The following CD99L2 variants were observed in gnomAD, a reference collection of about 807,000 sequenced individuals.
The protein encoded by CD99L2 is CD99 antigen-like protein 2.
In CD99L2, 24 loss-of-function variants were observed where a neutral mutation model predicts 27.3. The ratio of observed to expected loss-of-function variants is 0.88; its 90% CI spans 0.64 to 1.24. CD99L2 has a LOEUF of 1.24. CD99L2 is among the 50% of genes most tolerant of loss of function. The pLI, the probability that CD99L2 is intolerant of heterozygous loss-of-function variation, is 0.00. For missense variants in CD99L2, 255 were observed against 221.6 expected (o/e 1.15, Z -0.96); for synonymous variants, 97 against 87.9 (o/e 1.10, Z -0.58).
intron 1 of CD99L2, among the ~76,000 whole-genome samples, chrX:150,847,601 AT>A (rs1433349874): frequency 2.7e-5 from 3 of 110,212 alleles, no homozygotes; most frequent in Middle Eastern, 4.6e-3. Flanking sequence ...TCCTTGCTGT[AT>A]CTGCTTGCTC....
At chrX:150,812,797 A>T (rs895229353) in intron 4 of CD99L2, among the ~76,000 whole-genome samples, 5 of 112,253 alleles carry the variant, frequency 4.5e-5, no homozygotes, top group African/African-American at 1.6e-4. Flanking sequence ...GGGTCAATAC[A>T]TCAAGTAAAC....
chrX:150,841,480 T>C (rs1450076472), intron 1 of CD99L2, among the ~76,000 whole-genome samples: 5 of 111,597 alleles, frequency 4.5e-5, no homozygotes, highest in African/African-American at 1.6e-4. Context: ...TACGTGTATT[T>C]CTCCTAAAAG....
At chrX:150,857,580 G>A (rs1386059572) in intron 1 of CD99L2, among the ~76,000 whole-genome samples, 1 of 111,797 alleles carries the variant, frequency 8.9e-6, no homozygotes, top group Non-Finnish European at 1.9e-5. Context: ...TCATCGACAC[G>A]AGACTGGTCT....
intron 10 of CD99L2, among the ~76,000 whole-genome samples, chrX:150,769,375 T>G (rs2043373118): frequency 2.7e-5 from 3 of 112,391 alleles, no homozygotes; most frequent in Non-Finnish European, 5.6e-5. Context: ...AAGGGTTATT[T>G]TAAACAAAGG....
intron 9 of CD99L2, among the ~76,000 whole-genome samples, chrX:150,773,737 C>T (rs1557419174): frequency 8.9e-6 from 1 of 112,339 alleles, no homozygotes; most frequent in Non-Finnish European, 1.9e-5. Context: ...TGGCCACAAG[C>T]CAAGGAACAT....
At chrX:150,773,907 AGC>A (rs782106614) in intron 9 of CD99L2, among the ~76,000 whole-genome samples, 2 of 112,132 alleles carry the variant, frequency 1.8e-5, no homozygotes, top group Non-Finnish European at 3.8e-5. Context: ...TCGTTCAAAG[AGC>A]TCACAACTAC....
chrX:150,834,385 G>A (rs983039910), intron 1 of CD99L2, among the ~76,000 whole-genome samples: 4 of 111,740 alleles, frequency 3.6e-5, no homozygotes, highest in Admixed American at 1.9e-4. Context: ...CCAGCTACTC[G>A]GGAGGCTGAG....
chrX:150,871,975 C>G (rs1309173090), intron 1 of CD99L2, among the ~76,000 whole-genome samples: 1 of 111,906 alleles, frequency 8.9e-6, no homozygotes, highest in African/African-American at 3.2e-5. Context: ...GCTCACCTGT[C>G]ATCCCAGCAC....
chrX:150,891,958 C>T (rs2047519652), intron 1 of CD99L2, among the ~76,000 whole-genome samples: 1 of 111,510 alleles, frequency 9.0e-6, no homozygotes, highest in Admixed American at 9.5e-5. Context: ...ACTTTGGGAG[C>T]TGGGTAATCC....
At chrX:150,827,705 A>G (rs2124226606) in intron 2 of CD99L2, among the ~76,000 whole-genome samples, 1 of 111,849 alleles carries the variant, frequency 8.9e-6, no homozygotes, top group South Asian at 3.8e-4. Flanking sequence ...AATATCCAGG[A>G]AAGACCTGAG....
At chrX:150,847,331 GT>G (rs782408601) in intron 1 of CD99L2, among the ~76,000 whole-genome samples, 9 of 111,984 alleles carry the variant, frequency 8.0e-5, no homozygotes, top group Admixed American at 9.5e-5. Flanking sequence ...TTTCAAGCTT[GT>G]TTGGCTATTT....
At chrX:150,881,656 G>A (rs2047327363) in intron 1 of CD99L2, among the ~76,000 whole-genome samples, 1 of 111,990 alleles carries the variant, frequency 8.9e-6, no homozygotes, top group South Asian at 3.7e-4. Context: ...GTATTCTGGG[G>A]TGGTGCCACA....
intron 1 of CD99L2, among the ~76,000 whole-genome samples, chrX:150,884,658 G>A (rs2047380880): frequency 8.9e-6 from 1 of 111,902 alleles, no homozygotes; most frequent in African/African-American, 3.3e-5. Context: ...ACTCCAGCCT[G>A]GGCAGCAGAG....
At chrX:150,861,078 A>G (rs956738023) in intron 1 of CD99L2, among the ~76,000 whole-genome samples, 10 of 101,273 alleles carry the variant, frequency 9.9e-5, no homozygotes, top group South Asian at 5.1e-4. Context: ...GGAGGCGGAG[A>G]TTGCAGTGAG....
intron 10 of CD99L2, 88 bp downstream of exon 10, chrX:150,770,216 G>GCTGTGA: frequency 1.1e-6 from 1 of 907,020 alleles, no homozygotes; most frequent in Middle Eastern, 2.7e-4. Context: ...ACGCCTCTGT[G>GCTGTGA]CTTCCCTGCT....
intron 1 of CD99L2, among the ~76,000 whole-genome samples, chrX:150,873,411 T>A (rs2047185786): frequency 9.0e-6 from 1 of 111,485 alleles, no homozygotes; most frequent in Non-Finnish European, 1.9e-5. Context: ...GGTTGTGAGG[T>A]GGGACAAATA....
chrX:150,804,814 T>A (rs1557420188), intron 4 of CD99L2, among the ~76,000 whole-genome samples: 2 of 111,515 alleles, frequency 1.8e-5, no homozygotes, highest in Admixed American at 9.5e-5. Flanking sequence ...GACAAAAGTA[T>A]GCCAATAAAT....
intron 2 of CD99L2, among the ~76,000 whole-genome samples, chrX:150,824,634 AAGGAGG>A (rs1412376293): frequency 8.2e-4 from 74 of 89,898 alleles, no homozygotes; most frequent in Non-Finnish European, 1.2e-3. Flanking sequence ...GGAGGAGAAG[AAGGAGG>A]AGAAGAAGAA....
chrX:150,890,078 G>A (rs1296825582), intron 1 of CD99L2, among the ~76,000 whole-genome samples: 13 of 110,131 alleles, frequency 1.2e-4, no homozygotes, highest in Admixed American at 8.7e-4. Context: ...GCATGAACCC[G>A]GGAGGCGGAG....
Sources: gnomAD v4.1 joint callset for allele counts (sites outside exome capture counted in the v4.1 genomes callset) on GRCh38, gnomAD v4.1.1 for gene constraint, MANE v1.5 for transcripts, NCBI Gene and HGNC (gene_info 2026-07-23, HGNC 2026-07-21) for gene names.